STK3: variants seen among roughly 807,000 people sequenced by gnomAD.
The protein encoded by STK3 is serine/threonine-protein kinase 3.
STK3 carries 41 observed loss-of-function variants against 58.0 expected under a neutral mutation model. That is an observed-to-expected ratio of 0.71 (90% confidence interval 0.55 to 0.92). The LOEUF (loss-of-function observed/expected upper bound fraction) is 0.92, where lower values mean the gene tolerates loss of function less well. STK3 is among the 40% of genes least tolerant of loss of function. STK3 has a pLI of 0.00. For synonymous variants in STK3, 170 were observed against 191.0 expected, an observed-to-expected ratio of 0.89 and a Z score of 0.91; for missense variants, 479 against 602.7, an observed-to-expected ratio of 0.79 and a Z score of 2.15.
intron 7 of STK3, among the ~76,000 whole-genome samples, chr8:98,591,724 T>C (rs531290410): frequency 2.0e-5 from 3 of 152,350 alleles, no homozygotes; most frequent in East Asian, 1.9e-4. Context: ...CATAACACTA[T>C]AGTGAATTGA....
chr8:98,598,170 G>A, intron 6 of STK3: 1 of 985,238 alleles, frequency 1.0e-6, no homozygotes, highest in African/African-American at 1.7e-5. Flanking sequence ...TTGTAAACTG[G>A]TGGATAACAC....
downstream of STK3, chr8:98,883,337 T>C (rs982718109): frequency 4.9e-5 from 11 of 222,582 alleles, no homozygotes; most frequent in African/African-American, 2.0e-4. Flanking sequence ...TGTACATTCA[T>C]TGGGGCTTGA....
At chr8:98,612,150 T>C (rs907682344) in intron 6 of STK3, among the ~76,000 whole-genome samples, 1 of 150,560 alleles carries the variant, frequency 6.6e-6, no homozygotes, top group Non-Finnish European at 1.5e-5. Flanking sequence ...AAGTCATTGC[T>C]GTTTAAAAAC....
chr8:98,467,088 C>T (rs758380032), intron 10 of STK3, among the ~76,000 whole-genome samples: 1 of 152,134 alleles, frequency 6.6e-6, no homozygotes, highest in African/African-American at 2.4e-5. Context: ...TAGTGGCACA[C>T]CAGTGGGTCT....
chr8:98,864,128 G>A (rs1398090555), intron 3 of STK3, among the ~76,000 whole-genome samples: 1 of 150,376 alleles, frequency 6.6e-6, no homozygotes, highest in Non-Finnish European at 1.5e-5. Flanking sequence ...GAATCGGGAG[G>A]CGGAGCTTGC....
intron 6 of STK3, among the ~76,000 whole-genome samples, chr8:98,605,976 C>T (rs1470226895): frequency 6.6e-6 from 1 of 152,128 alleles, no homozygotes; most frequent in African/African-American, 2.4e-5. Flanking sequence ...GCCTGTAATC[C>T]CAGCGCTTTG....
At chr8:98,900,646 A>G (rs1233877098) in intron 1 of STK3, among the ~76,000 whole-genome samples, 3 of 150,406 alleles carry the variant, frequency 2.0e-5, no homozygotes, top group Non-Finnish European at 3.0e-5. Flanking sequence ...AGATTGTTAT[A>G]GTTTTATATT....
intron 6 of STK3, among the ~76,000 whole-genome samples, chr8:98,669,600 A>G (rs1822654529): frequency 6.6e-6 from 1 of 152,214 alleles, no homozygotes; most frequent in East Asian, 1.9e-4. Context: ...GAGAAACTAC[A>G]TGTTCTAACA....
chr8:98,829,948 C>A (rs1016471450), upstream of STK3, among the ~76,000 whole-genome samples: 1 of 151,248 alleles, frequency 6.6e-6, no homozygotes, highest in East Asian at 2.0e-4. Context: ...GGGAAGAGGC[C>A]GGACGTGGTG....
intron 1 of STK3, among the ~76,000 whole-genome samples, chr8:98,936,783 G>C (rs979287421): frequency 6.6e-6 from 1 of 152,184 alleles, no homozygotes; most frequent in Admixed American, 6.5e-5. Flanking sequence ...AGACAACCAT[G>C]GTCTAACACG....
At chr8:98,653,672 A>C (rs1367761984) in intron 6 of STK3, among the ~76,000 whole-genome samples, 1 of 152,254 alleles carries the variant, frequency 6.6e-6, no homozygotes, top group African/African-American at 2.4e-5. Flanking sequence ...TCCCACAGAA[A>C]TACAAACTAC....
At chr8:98,550,660 T>C (rs950667517) in intron 8 of STK3, among the ~76,000 whole-genome samples, 1 of 152,128 alleles carries the variant, frequency 6.6e-6, no homozygotes, top group Non-Finnish European at 1.5e-5. Context: ...CACTACATCA[T>C]AGGTGGTTTA....
chr8:98,653,949 T>A (rs565249487), intron 6 of STK3, among the ~76,000 whole-genome samples: 1 of 152,046 alleles, frequency 6.6e-6, no homozygotes, highest in Non-Finnish European at 1.5e-5. Flanking sequence ...TTCCAATCAA[T>A]AGAAAAAGAG....
At chr8:98,618,805 A>C (rs1817998463) in intron 6 of STK3, among the ~76,000 whole-genome samples, 1 of 148,738 alleles carries the variant, frequency 6.7e-6, no homozygotes, top group Non-Finnish European at 1.5e-5. Context: ...CTGCTCAAGG[A>C]AATAGAAGAG....
intron 6 of STK3, among the ~76,000 whole-genome samples, chr8:98,636,434 C>A (rs1056151541): frequency 2.6e-5 from 4 of 152,122 alleles, no homozygotes; most frequent in African/African-American, 9.7e-5. Context: ...ATATGCCAGG[C>A]ATTGTGTTAG....
intron 3 of STK3, among the ~76,000 whole-genome samples, chr8:98,393,440 C>T (rs1235669474): frequency 6.6e-6 from 1 of 152,128 alleles, no homozygotes; most frequent in East Asian, 1.9e-4. Flanking sequence ...TATAGCTCCT[C>T]CCATCAAGAG....
chr8:98,617,916 C>T (rs558283046), intron 6 of STK3, among the ~76,000 whole-genome samples: 1,609 of 152,202 alleles, frequency 0.011, 16 homozygotes, highest in Admixed American at 0.048. Context: ...CCTTCTGAAA[C>T]TATTCCAATC....
At chr8:98,504,466 T>C (rs979241731) in intron 10 of STK3, among the ~76,000 whole-genome samples, 36 of 152,222 alleles carry the variant, frequency 2.4e-4, no homozygotes, top group African/African-American at 8.0e-4. Context: ...CGTTAGTTGA[T>C]GCAGTTTCTT....
chr8:98,807,661 C>A (rs1225290098), intron 1 of STK3, among the ~76,000 whole-genome samples: 1 of 152,008 alleles, frequency 6.6e-6, no homozygotes, highest in Admixed American at 6.6e-5. Flanking sequence ...AAATTGAAGC[C>A]ATTAGAGTAG....
Sources: gnomAD v4.1 joint callset for allele counts (sites outside exome capture counted in the v4.1 genomes callset) on GRCh38, gnomAD v4.1.1 for gene constraint, MANE v1.5 for transcripts, NCBI Gene and HGNC (gene_info 2026-07-23, HGNC 2026-07-21) for gene names.